SEC31A: variants seen among roughly 807,000 people sequenced by gnomAD.
The protein encoded by SEC31A is SEC31 homolog A, COPII component.
In SEC31A, 70 loss-of-function variants were observed where a neutral mutation model predicts 151.0. That is an observed-to-expected ratio of 0.46 (90% CI 0.38 to 0.57). SEC31A has a LOEUF of 0.57. Among genes scored for constraint, SEC31A ranks in the 20% least tolerant of loss-of-function variants. The pLI is 0.00. For missense variants in SEC31A, 1,330 were observed against 1,471.2 expected (o/e 0.90, Z 1.57); for synonymous variants, 475 against 505.9 (o/e 0.94, Z 0.82).
At chr4:82,838,963 C>T (rs562754639) in intron 22 of SEC31A, among the ~76,000 whole-genome samples, 10 of 152,198 alleles carry the variant, frequency 6.6e-5, no homozygotes, top group South Asian at 2.1e-4. Context: ...CATATCGGAA[C>T]GACAAAATTT....
intron 26 of SEC31A, 26 bp downstream of exon 26, chr4:82,821,011 A>G: frequency 1.3e-6 from 2 of 1,583,814 alleles, no homozygotes; most frequent in Non-Finnish European, 1.7e-6. Context: ...AATGATTATC[A>G]TAAATCCTTT....
intron 5 of SEC31A, among the ~76,000 whole-genome samples, chr4:82,875,435 T>C (rs887830956): frequency 1.3e-5 from 2 of 152,190 alleles, no homozygotes; most frequent in African/African-American, 4.8e-5. Context: ...AATTATACTA[T>C]ATCTAAGACA....
In SEC31A at chr4:82,819,136, T is replaced by C; in HGVS notation, c.3601A>G (p.Thr1201Ala). Residue 1201 changes from threonine to alanine, a missense_variant, in exon 27 of 27, where the codon ACC becomes GCC. Physicochemically the swap from Thr to Ala is moderately conservative, Grantham distance 58. Coordinates refer to ENST00000395310, the MANE Select transcript of SEC31A (RefSeq NM_001077207.4). Reference sequence around the variant, plus strand: ...TTGAGAACTGGCATGAAAGCAGAGGTCTCACTGAAGTTGCTGGTGCTAACT... The same window carrying C: ...TTGAGAACTGGCATGAAAGCAGAGGCCTCACTGAAGTTGCTGGTGCTAACT... Reference protein sequence around the residue: ...HIVSTSNFSETSAFMPVLKVV... With the variant: ...HIVSTSNFSEASAFMPVLKVV... The C allele has an allele frequency of 6.2e-7, 1 of 1,612,120 alleles. No homozygotes were observed. The highest frequency in any genetic ancestry group is 8.5e-7 in the Non-Finnish European group (1 of 1,179,082).
chr4:82,818,610 A>G lies in SEC31A; in HGVS notation c.*464T>C, dbSNP rs1013242011. The G allele has an allele frequency of 2.0e-5, 3 of 152,326 alleles. No individual in the cohort carries two copies. Among genetic ancestry groups the G allele is most frequent in the African/African-American group, 7.2e-5 (3 of 41,476 alleles). The allele number at this position is 152,326 out of a possible 1,614,324, so 9.4% of individuals were successfully genotyped here. A position where few individuals can be genotyped will look rare whatever the true frequency, so the allele number is the denominator to read the frequency against. ...ACTCAGGAATCCTAAGACACAAAAA[A>G]TAAACTAAATTTTAAGCAGCTGTTT... is the stretch of plus-strand genomic sequence containing the variant. On this transcript the variant is annotated 3_prime_UTR_variant, in exon 27 of 27. Transcript: ENST00000395310.
chr4:82,844,067 A>C (rs1211958422), intron 21 of SEC31A: 1 of 331,516 alleles, frequency 3.0e-6, no homozygotes, highest in Non-Finnish European at 5.4e-6. Flanking sequence ...GAAGAAAAAG[A>C]ATATGTAAAA....
At chr4:82,868,106 G>A (rs182177174) in intron 8 of SEC31A, among the ~76,000 whole-genome samples, 66 of 152,286 alleles carry the variant, frequency 4.3e-4, no homozygotes, top group African/African-American at 1.3e-3. Flanking sequence ...GAGAAAACAT[G>A]TACTATACAC....
intron 10 of SEC31A, 56 bp from the exon 11 acceptor site, chr4:82,864,654 A>C (rs1293150744): frequency 6.7e-7 from 1 of 1,481,980 alleles, no homozygotes. Context: ...GGCCAAAAAA[A>C]GTGCTTATAA....
intron 25 of SEC31A, 92 bp downstream of exon 25, chr4:82,824,463 C>G: frequency 7.1e-7 from 1 of 1,408,050 alleles, no homozygotes. Context: ...CCTCGGCCTC[C>G]CAAAGTGCTG....
chr4:82,866,825 C>A lies in SEC31A; in HGVS notation c.1180G>T (p.Val394Phe), dbSNP rs766358497. ...CCACCTACTGAAAAAGAAGCACCAACAGGCCTTCGAATCCACTTGGGCGGC... is the reference window on the plus strand; with the variant it reads ...CCACCTACTGAAAAAGAAGCACCAAAAGGCCTTCGAATCCACTTGGGCGGC... ...KKPPKWIRRP[V>F]GASFSFGGKL... The change falls in exon 10 of 27, where the codon GTT (valine) becomes TTT (phenylalanine). Residue 394 changes from valine (V) to phenylalanine (F), a missense_variant. Val to Phe is a conservative substitution (Grantham distance 50). Transcript: ENST00000395310. 2 of 1,603,768 alleles carry A rather than the reference C, an allele frequency of 1.2e-6. No homozygotes were observed. Among genetic ancestry groups the A allele is most frequent in the Non-Finnish European group, 1.7e-6 (2 of 1,177,490 alleles).
intron 23 of SEC31A, 56 bp from the exon 24 acceptor site, chr4:82,827,688 A>G: frequency 6.4e-7 from 1 of 1,565,008 alleles, no homozygotes; most frequent in Non-Finnish European, 8.7e-7. Context: ...CGATAGCAAC[A>G]TTTCTTCAGC....
chr4:82,845,133 T>G, intron 20 of SEC31A: 5 of 1,049,092 alleles, frequency 4.8e-6, no homozygotes, highest in Non-Finnish European at 7.0e-6. Flanking sequence ...GGAAGGTAAG[T>G]AGAGAACATA....
At position 82,839,278 on chromosome 4, in the gene SEC31A, G is replaced by A. The variant is rs1728197819; in HGVS notation, c.2968+2862C>T. On this transcript the variant is annotated intron_variant, in intron 22 of 26. Transcript: ENST00000395310. Reference sequence around the variant, plus strand: ...CGGTTCTCTTGCCTCAGCTTCCCGAGTAGCTGGGATTACAGGCATGCACCA... The same window carrying A: ...CGGTTCTCTTGCCTCAGCTTCCCGAATAGCTGGGATTACAGGCATGCACCA... Among the ~76,000 whole-genome samples the A allele has an allele frequency of 1.3e-5, 2 of 152,210 alleles. 1 individual carries two copies. The highest frequency in any genetic ancestry group is 4.8e-5 in the African/African-American group (2 of 41,448).
At chr4:82,831,907 A>G (rs1726046904) in intron 22 of SEC31A, among the ~76,000 whole-genome samples, 1 of 152,230 alleles carries the variant, frequency 6.6e-6, no homozygotes, top group East Asian at 1.9e-4. Flanking sequence ...TCAAGAAATT[A>G]AGAGAGGACA....
chr4:82,861,907 T>A, intron 13 of SEC31A, 199 bp from the exon 14 acceptor site: 2 of 209,282 alleles, frequency 9.6e-6, no homozygotes, highest in East Asian at 9.1e-5. Context: ...TTCCCATTCT[T>A]TTTTTTTTTT....
chr4:82,844,243 T>C (rs1174818289), intron 21 of SEC31A, 143 bp downstream of exon 21: 15 of 831,362 alleles, frequency 1.8e-5, no homozygotes, highest in Non-Finnish European at 2.8e-5. Flanking sequence ...AAAAAACATG[T>C]CTCTTTGTAG....
At chr4:82,832,125 G>A (rs1415228191) in intron 22 of SEC31A, among the ~76,000 whole-genome samples, 2 of 152,196 alleles carry the variant, frequency 1.3e-5, no homozygotes, top group Non-Finnish European at 2.9e-5. Flanking sequence ...GAAGAACAAA[G>A]CTGGAGGCAT....
chr4:82,857,213 T>A (rs1199500468), intron 15 of SEC31A, 83 bp from the exon 16 acceptor site: 7 of 1,165,606 alleles, frequency 6.0e-6, no homozygotes, highest in Admixed American at 5.2e-5. Flanking sequence ...CTATCAATTT[T>A]TATATATATA....
intron 1 of SEC31A, among the ~76,000 whole-genome samples, chr4:82,889,630 C>A (rs758236451): frequency 1.4e-4 from 22 of 151,816 alleles, no homozygotes; most frequent in Non-Finnish European, 2.9e-4. Flanking sequence ...TCATTAGATT[C>A]CCGTAAGACA....
At position 82,819,329 on chromosome 4, in the gene SEC31A, C is replaced by G. The variant is rs74713760; in HGVS notation, c.3484-76G>C. On this transcript the variant is annotated intron_variant, in intron 26 of 26. Transcript: ENST00000395310. ...CATGAGATCCTCCATAAACATTAAA[C>G]CCAGATATTTAAGTGGAATTTGAAA... 2.8e-4 allele frequency: 290 copies of G among 1,051,198 alleles called. 1 individual carries two copies. Among genetic ancestry groups the G allele is most frequent in the Middle Eastern group, 2.4e-3 (7 of 2,952 alleles). 65.1% of individuals were successfully genotyped at this position (1,051,198 alleles called of 1,614,324 possible).
Sources: gnomAD v4.1 joint callset for allele counts (sites outside exome capture counted in the v4.1 genomes callset) on GRCh38, gnomAD v4.1.1 for gene constraint, MANE v1.5 for transcripts, NCBI Gene and HGNC (gene_info 2026-07-23, HGNC 2026-07-21) for gene names.